Variants in NDRG4 observed in about 807,000 individuals in gnomAD.
NDRG4 encodes the protein protein NDRG4.
In NDRG4, 38 loss-of-function variants were observed where a neutral mutation model predicts 55.8. The observed-to-expected ratio is 0.68, with a 90% confidence interval of 0.53 to 0.89. The LOEUF (loss-of-function observed/expected upper bound fraction) is 0.89, where lower values mean the gene tolerates loss of function less well. Among genes scored for constraint, NDRG4 ranks in the 40% least tolerant of loss-of-function variants. The pLI is 0.00. For missense variants in NDRG4, 455 were observed against 468.6 expected (o/e 0.97, Z 0.27); for synonymous variants, 190 against 182.7 (o/e 1.04, Z -0.32).
intron 2 of NDRG4, among the ~76,000 whole-genome samples, chr16:58,489,364 C>G (rs2035503239): frequency 6.6e-6 from 1 of 151,962 alleles, no homozygotes; most frequent in African/African-American, 2.4e-5. Flanking sequence ...AGGATGCAAT[C>G]TGCACCAGCT....
At chr16:58,511,394 C>T (rs1442418953) in intron 14 of NDRG4, 28 bp from the exon 15 acceptor site, 1 of 1,580,516 alleles carries the variant, frequency 6.3e-7, no homozygotes, top group Non-Finnish European at 8.6e-7. Flanking sequence ...CCCGCCAGTC[C>T]TCAGGCCCAT....
intron 7 of NDRG4, 143 bp downstream of exon 7, chr16:58,506,757 C>T: frequency 8.4e-7 from 1 of 1,193,244 alleles, no homozygotes; most frequent in Non-Finnish European, 1.2e-6. Context: ...ACATCCCCTC[C>T]CAAGGCCCCA....
chr16:58,493,268 T>G (rs1292515280), intron 2 of NDRG4, among the ~76,000 whole-genome samples: 1 of 151,614 alleles, frequency 6.6e-6, no homozygotes, highest in Non-Finnish European at 1.5e-5. Flanking sequence ...GGTTTGTTTT[T>G]GTTTGTTTGT....
At chr16:58,485,942 G>A (rs971980182) in intron 1 of NDRG4, among the ~76,000 whole-genome samples, 1 of 152,018 alleles carries the variant, frequency 6.6e-6, no homozygotes, top group Non-Finnish European at 1.5e-5. Context: ...ATTATTTGTT[G>A]CCATCTCTGG....
At chr16:58,506,496 G>C in intron 6 of NDRG4, 23 bp downstream of exon 6, 3 of 1,607,520 alleles carry the variant, frequency 1.9e-6, no homozygotes, top group Non-Finnish European at 1.7e-6. Flanking sequence ...ACCGGGGGTG[G>C]GGTGGGTATA....
chr16:58,464,073 C>T lies in NDRG4; in HGVS notation c.-24+276C>T, dbSNP rs2031081198. On this transcript the variant is annotated intron_variant, in intron 1 of 15. Transcript: ENST00000258187. This position sits in a 1 kb window ranked among gnomAD's most constrained non-coding sequence, Gnocchi z 4.8. ...CCGTCCGCGACCCCCCACCGCGACGCCCGGAGGCGGCGGGGTCTCTTTGTT... is the reference window on the plus strand; with the variant it reads ...CCGTCCGCGACCCCCCACCGCGACGTCCGGAGGCGGCGGGGTCTCTTTGTT... The T allele has an allele frequency of 4.3e-6, 1 of 230,582 alleles. No individual in the cohort carries two copies. Among genetic ancestry groups the T allele is most frequent in the Admixed American group, 5.7e-5 (1 of 17,494 alleles). The allele number at this position is 230,582 out of a possible 1,614,324, so 14.3% of individuals were successfully genotyped here.
At chr16:58,503,510 C>G (rs1241830928) in intron 1 of NDRG4, among the ~76,000 whole-genome samples, 1 of 152,072 alleles carries the variant, frequency 6.6e-6, no homozygotes, top group Non-Finnish European at 1.5e-5. Context: ...CTCCCTGGAC[C>G]CTCAAGGGCG....
At chr16:58,515,357 A>T, downstream of NDRG4, 1 of 646,008 alleles carries the variant, frequency 1.5e-6, no homozygotes, top group East Asian at 3.3e-5. Context: ...CGTGAGTGCA[A>T]TTGGAGATCC....
chr16:58,465,045 G>C, intron 1 of NDRG4: 1 of 1,267,526 alleles, frequency 7.9e-7, no homozygotes, highest in Non-Finnish European at 1.0e-6. Flanking sequence ...TGGCTGGAGA[G>C]CAAGAGCGAA....
At chr16:58,487,753 T>G (rs1307364356) in intron 1 of NDRG4, 1 of 1,535,958 alleles carries the variant, frequency 6.5e-7, no homozygotes, top group Non-Finnish European at 8.8e-7. Context: ...CCTCCCTCCC[T>G]AGGCCTCCTG....
At chr16:58,509,469 A>G (rs1228376700) in intron 13 of NDRG4, 117 bp downstream of exon 13, 5 of 1,092,964 alleles carry the variant, frequency 4.6e-6, no homozygotes, top group Admixed American at 2.1e-5. Flanking sequence ...TAGGGAGCCC[A>G]TAAGCATAGG....
intron 5 of NDRG4, among the ~76,000 whole-genome samples, chr16:58,505,433 A>AC (rs1491210728): frequency 7.3e-6 from 1 of 137,752 alleles, no homozygotes; most frequent in African/African-American, 2.9e-5. Context: ...AAAAAAAAAA[A>AC]CAAAAACCCA....
upstream of NDRG4, among the ~76,000 whole-genome samples, chr16:58,497,345 A>G (rs1423925350): frequency 6.6e-6 from 1 of 152,154 alleles, no homozygotes; most frequent in Non-Finnish European, 1.5e-5. Context: ...AGAAGAAAAA[A>G]AAAGAGGGAT....
chr16:58,468,389 C>T (rs776841428), intron 1 of NDRG4, among the ~76,000 whole-genome samples: 15 of 152,168 alleles, frequency 9.9e-5, no homozygotes, highest in Non-Finnish European at 2.1e-4. Flanking sequence ...CTTCTTTCGG[C>T]CTCAGTCTTA....
intron 2 of NDRG4, among the ~76,000 whole-genome samples, chr16:58,488,829 C>G (rs757172859): frequency 6.6e-6 from 1 of 152,154 alleles, no homozygotes; most frequent in Non-Finnish European, 1.5e-5. Flanking sequence ...CCTGGCTTAT[C>G]CGAGGGCAGC....
At chr16:58,489,826 C>G (rs2035561630) in intron 2 of NDRG4, among the ~76,000 whole-genome samples, 1 of 152,108 alleles carries the variant, frequency 6.6e-6, no homozygotes, top group South Asian at 2.1e-4. Flanking sequence ...TTCTTTCTGT[C>G]TTTTCCTTCT....
intron 1 of NDRG4, among the ~76,000 whole-genome samples, chr16:58,471,872 C>A (rs1401665298): frequency 6.6e-6 from 1 of 152,098 alleles, no homozygotes; most frequent in Non-Finnish European, 1.5e-5. Flanking sequence ...GGGATGTCTT[C>A]TCCCCAGAGT....
chr16:58,510,037 G>A (rs1431124805), intron 13 of NDRG4, among the ~76,000 whole-genome samples: 4 of 152,282 alleles, frequency 2.6e-5, no homozygotes, highest in Non-Finnish European at 5.9e-5. Flanking sequence ...CCACTGCCAG[G>A]AGGCAAACTT....
intron 9 of NDRG4, 26 bp from the exon 10 acceptor site, chr16:58,507,922 A>G (rs764573511): frequency 1.2e-6 from 2 of 1,613,422 alleles, no homozygotes; most frequent in Non-Finnish European, 8.5e-7. Context: ...ACCCAGCCAG[A>G]CAGCCCTTTT....
Sources: allele counts gnomAD v4.1 joint callset (sites outside exome capture counted in the v4.1 genomes callset), GRCh38; gene constraint gnomAD v4.1.1; non-coding constraint Gnocchi (gnomAD v3.1); transcripts MANE v1.5; gene names NCBI Gene and HGNC (gene_info 2026-07-23, HGNC 2026-07-21).